The following CACNA2D3 variants were observed in gnomAD, a reference collection of about 807,000 sequenced individuals.
CACNA2D3 encodes calcium voltage-gated channel auxiliary subunit alpha2delta 3.
A neutral mutation model predicts 160.6 loss-of-function variants in CACNA2D3; 60 were observed. The ratio of observed to expected loss-of-function variants is 0.37; its 90% CI spans 0.30 to 0.46. CACNA2D3 has a LOEUF of 0.46. Among genes scored for constraint, CACNA2D3 ranks in the 20% least tolerant of loss-of-function variants. The pLI, the probability that CACNA2D3 is intolerant of heterozygous loss-of-function variation, is 1.00. For missense variants in CACNA2D3, 1,205 were observed against 1,365.0 expected, an observed-to-expected ratio of 0.88 and a Z score of 1.85; for synonymous variants, 558 against 492.9, an observed-to-expected ratio of 1.13 and a Z score of -1.75.
At chr3:54,666,386 T>C (rs1700069729) in intron 11 of CACNA2D3, among the ~76,000 whole-genome samples, 1 of 152,250 alleles carries the variant, frequency 6.6e-6, no homozygotes, top group Admixed American at 6.5e-5. Flanking sequence ...AACAAAGCTC[T>C]GCCTAGGTTT....
intron 3 of CACNA2D3, among the ~76,000 whole-genome samples, chr3:54,329,468 TG>T (rs1248632990): frequency 6.6e-6 from 1 of 152,222 alleles, no homozygotes; most frequent in African/African-American, 2.4e-5. Context: ...GCAAAGCAAC[TG>T]TGGGGTTCAT....
intron 14 of CACNA2D3, among the ~76,000 whole-genome samples, chr3:54,829,285 A>G (rs1413465124): frequency 6.6e-6 from 1 of 152,182 alleles, no homozygotes; most frequent in Non-Finnish European, 1.5e-5. Context: ...ATCCTCCTGA[A>G]CATGCCTAGC....
chr3:55,073,851 C>T lies in CACNA2D3; in HGVS notation c.3175C>T (p.His1059Tyr), dbSNP rs1020434834. The T allele has an allele frequency of 3.1e-6, 5 of 1,613,026 alleles. No homozygotes were observed. Among genetic ancestry groups the T allele is most frequent in the Non-Finnish European group, 4.2e-6 (5 of 1,179,274 alleles). Residue 1059 changes from histidine (H) to tyrosine (Y), a missense_variant, in exon 37 of 38, where the codon CAT (histidine) becomes TAT (tyrosine). Around this residue, in one of 3 missense-constraint regions of CACNA2D3, gnomAD observed 911 missense variants for 1,002.2 expected, o/e 0.91. Transcript: ENST00000474759. ...GCGCCCAGAATCTTGTCATGGCTTCCATCCTGAGGTAAGTCTGAGAACTGT... is the reference window on the plus strand; with the variant it reads ...GCGCCCAGAATCTTGTCATGGCTTCTATCCTGAGGTAAGTCTGAGAACTGT... The part of the protein sequence containing the change: ...RRRPESCHGF[H>Y]PEENARECGG...
chr3:54,379,956 C>G (rs1026102747), intron 3 of CACNA2D3, among the ~76,000 whole-genome samples: 2 of 152,142 alleles, frequency 1.3e-5, no homozygotes, highest in African/African-American at 4.8e-5. Context: ...TTGGGAAATA[C>G]TCGTCTAATT....
rs116885099 is a variant in CACNA2D3, at chr3:54,937,729, G to T, written c.2450-30721G>T. On this transcript the variant is annotated intron_variant, in intron 27 of 37. Transcript: ENST00000474759. ...CCAGAATTTACCACAGAGAGGGGAA[G>T]AGACGAGGGCCATTCCAGGTAAAGG... Among the ~76,000 whole-genome samples, 29 of 152,266 alleles carry T rather than the reference G, an allele frequency of 1.9e-4. No individual in the cohort carries two copies. In the East Asian group the frequency reaches 5.6e-3, roughly 29 times the overall value.
intron 35 of CACNA2D3, among the ~76,000 whole-genome samples, chr3:55,044,706 A>G (rs559884472): frequency 1.3e-5 from 2 of 152,178 alleles, no homozygotes; most frequent in South Asian, 2.1e-4. Flanking sequence ...TTAGGGGGGA[A>G]AGCTGTTAGA....
chr3:54,410,041 G>A (rs1699639467), intron 4 of CACNA2D3, among the ~76,000 whole-genome samples: 1 of 152,186 alleles, frequency 6.6e-6, no homozygotes, highest in South Asian at 2.1e-4. Context: ...ATGCTATCTA[G>A]GATTCTCCTA....
intron 14 of CACNA2D3, among the ~76,000 whole-genome samples, chr3:54,833,379 C>T (rs1261112498): frequency 1.3e-5 from 2 of 152,162 alleles, no homozygotes; most frequent in African/African-American, 2.4e-5. Context: ...GTGACCCCCA[C>T]CTCCTGCTCC....
intron 17 of CACNA2D3, among the ~76,000 whole-genome samples, chr3:54,858,060 T>C (rs1272360440): frequency 6.6e-6 from 1 of 151,710 alleles, no homozygotes; most frequent in East Asian, 1.9e-4. Context: ...CTGACCTTTG[T>C]TCTACTAGAT....
At chr3:54,263,680 G>A (rs956065529) in intron 2 of CACNA2D3, among the ~76,000 whole-genome samples, 28 of 152,178 alleles carry the variant, frequency 1.8e-4, no homozygotes, top group African/African-American at 6.5e-4. Context: ...TCAGTTTATT[G>A]ATACAGCAAA....
intron 12 of CACNA2D3, among the ~76,000 whole-genome samples, chr3:54,757,267 G>T (rs1701990065): frequency 2.0e-5 from 3 of 152,090 alleles, no homozygotes. Context: ...TCATCGTCAG[G>T]TCCAATGGAA....
chr3:54,577,322 G>T (rs534941116), intron 8 of CACNA2D3, among the ~76,000 whole-genome samples: 48 of 152,264 alleles, frequency 3.2e-4, no homozygotes, highest in African/African-American at 1.1e-3. Flanking sequence ...CTCCCTATCT[G>T]CCAAAGACCC....
intron 10 of CACNA2D3, chr3:54,639,716 AAGG>A (rs1229505103): frequency 5.6e-6 from 1 of 178,068 alleles, no homozygotes; most frequent in Non-Finnish European, 1.2e-5. Flanking sequence ...TTGATCTCCC[AAGG>A]GAGGTCCCCC....
chr3:54,445,539 TTTTTA>T (rs1456191781), intron 4 of CACNA2D3, among the ~76,000 whole-genome samples: 1 of 138,172 alleles, frequency 7.2e-6, no homozygotes, highest in Non-Finnish European at 1.5e-5. Context: ...CTATGTATAC[TTTTTA>T]TTTCTATGTA....
At chr3:54,707,746 A>C (rs1189001217) in intron 11 of CACNA2D3, among the ~76,000 whole-genome samples, 1 of 152,102 alleles carries the variant, frequency 6.6e-6, no homozygotes, top group East Asian at 1.9e-4. Context: ...GAATTTCACT[A>C]TGTGGGGTAG....
chr3:54,206,832 G>T (rs999859022), intron 2 of CACNA2D3, among the ~76,000 whole-genome samples: 1 of 152,172 alleles, frequency 6.6e-6, no homozygotes, highest in African/African-American at 2.4e-5. Flanking sequence ...TCTGGCTGTT[G>T]AAACAACCCC....
intron 11 of CACNA2D3, among the ~76,000 whole-genome samples, chr3:54,728,288 C>T (rs1701315622): frequency 1.3e-5 from 2 of 152,210 alleles, no homozygotes; most frequent in African/African-American, 4.8e-5. Flanking sequence ...TTTCTCTATA[C>T]AGTTCGACCT....
chr3:55,029,799 A>G (rs1217469338), intron 35 of CACNA2D3, among the ~76,000 whole-genome samples: 1 of 152,186 alleles, frequency 6.6e-6, no homozygotes, highest in Admixed American at 6.5e-5. Flanking sequence ...TTAAAATGTA[A>G]GTTTTTTAAC....
In CACNA2D3 at chr3:54,865,334, G is replaced by A. The variant is rs555531896; in HGVS notation, c.1627-6205G>A. Among the ~76,000 whole-genome samples, 20 of 152,304 alleles carry A rather than the reference G, an allele frequency of 1.3e-4. No homozygotes were observed. The South Asian group carries it at 3.9e-3, about 30-fold the overall frequency. ...ATGAGCCGTTATTACATGGATAAGA[G>A]GGGGAAAGTAAGGAAACACCAAATG... On this transcript the variant is annotated intron_variant, in intron 17 of 37. Coordinates refer to ENST00000474759, the MANE Select transcript of CACNA2D3 (RefSeq NM_018398.3).
Sources: allele counts gnomAD v4.1 joint callset (sites outside exome capture counted in the v4.1 genomes callset), GRCh38; gene constraint gnomAD v4.1.1; regional missense constraint gnomAD v4.1.1; transcripts MANE v1.5; gene names NCBI Gene and HGNC (gene_info 2026-07-23, HGNC 2026-07-21).